SMYD3: variants seen among roughly 807,000 people sequenced by gnomAD.
SMYD3 encodes the protein histone-lysine N-methyltransferase SMYD3.
SMYD3 carries 36 observed loss-of-function variants against 57.7 expected under a neutral mutation model. That is an observed-to-expected ratio of 0.62 (90% CI 0.48 to 0.82). The LOEUF (loss-of-function observed/expected upper bound fraction) is 0.82. SMYD3 is among the 40% of genes least tolerant of loss of function. The pLI, the probability that SMYD3 is intolerant of heterozygous loss-of-function variation, is 0.00. For missense variants in SMYD3, 515 were observed against 538.8 expected, an observed-to-expected ratio of 0.96 and a Z score of 0.44; for synonymous variants, 211 against 195.0, an observed-to-expected ratio of 1.08 and a Z score of -0.68.
intron 5 of SMYD3, among the ~76,000 whole-genome samples, chr1:246,224,797 G>GT (rs1460715267): frequency 6.6e-6 from 1 of 151,728 alleles, no homozygotes; most frequent in African/African-American, 2.4e-5. Context: ...GGTGATGGGG[G>GT]TAAGTGACAG....
chr1:246,236,565 C>T (rs1362882993), intron 5 of SMYD3, among the ~76,000 whole-genome samples: 3 of 152,154 alleles, frequency 2.0e-5, no homozygotes, highest in Non-Finnish European at 4.4e-5. Context: ...CAGAGGCCTG[C>T]CACCACGCCT....
At chr1:245,983,472 C>T (rs1265272340) in intron 5 of SMYD3, among the ~76,000 whole-genome samples, 1 of 152,196 alleles carries the variant, frequency 6.6e-6, no homozygotes, top group East Asian at 1.9e-4. Flanking sequence ...CACGTGGCCC[C>T]CTGGGACCCA....
chr1:246,326,348 C>A, intron 5 of SMYD3: 1 of 694,554 alleles, frequency 1.4e-6, no homozygotes, highest in Non-Finnish European at 2.6e-6. Context: ...TTTCTGTCAT[C>A]CCTATCCCAG....
chr1:246,466,752 G>A (rs771110436), intron 1 of SMYD3, among the ~76,000 whole-genome samples: 4 of 152,212 alleles, frequency 2.6e-5, no homozygotes, highest in African/African-American at 9.6e-5. Context: ...GGAGGCTGAT[G>A]GGGGAGGATC....
At chr1:246,204,866 AG>A in intron 5 of SMYD3, among the ~76,000 whole-genome samples, 1 of 152,366 alleles carries the variant, frequency 6.6e-6, no homozygotes, top group South Asian at 2.1e-4. Context: ...CAAACTCTTC[AG>A]GCCTTGACTC....
chr1:246,009,509 T>C (rs2059239584), intron 5 of SMYD3, among the ~76,000 whole-genome samples: 1 of 152,196 alleles, frequency 6.6e-6, no homozygotes, highest in African/African-American at 2.4e-5. Context: ...AACATGTATG[T>C]GTGTATACAC....
chr1:245,935,002 C>T (rs2056920006), intron 5 of SMYD3, among the ~76,000 whole-genome samples: 1 of 152,132 alleles, frequency 6.6e-6, no homozygotes, highest in African/African-American at 2.4e-5. Flanking sequence ...TAATGGACCC[C>T]TGATTAAAGA....
At chr1:246,015,814 A>G (rs1004595976) in intron 5 of SMYD3, among the ~76,000 whole-genome samples, 1 of 152,198 alleles carries the variant, frequency 6.6e-6, no homozygotes, top group African/African-American at 2.4e-5. Flanking sequence ...CACATTTTGT[A>G]GATCCATACA....
intron 5 of SMYD3, among the ~76,000 whole-genome samples, chr1:246,033,184 G>T (rs1276439375): frequency 6.6e-6 from 1 of 151,938 alleles, no homozygotes; most frequent in Non-Finnish European, 1.5e-5. Flanking sequence ...TTAAACTGTG[G>T]TCCATCCACA....
At chr1:245,761,973 C>T (rs767623616) in intron 11 of SMYD3, among the ~76,000 whole-genome samples, 12 of 151,944 alleles carry the variant, frequency 7.9e-5, no homozygotes, top group Admixed American at 2.0e-4. Flanking sequence ...TTTGTAGAGA[C>T]GGGATTTCAC....
intron 5 of SMYD3, among the ~76,000 whole-genome samples, chr1:246,245,389 G>C (rs574328472): frequency 5.9e-5 from 9 of 151,888 alleles, no homozygotes; most frequent in African/African-American, 2.2e-4. Context: ...GCTGCAGTCA[G>C]CCAAGATCGT....
intron 5 of SMYD3, among the ~76,000 whole-genome samples, chr1:246,284,318 T>A (rs921712827): frequency 6.6e-6 from 1 of 152,198 alleles, no homozygotes; most frequent in Admixed American, 6.5e-5. Flanking sequence ...TCTGCAGCAC[T>A]TAAACACTTC....
chr1:246,082,579 G>A (rs1003892661), intron 5 of SMYD3, among the ~76,000 whole-genome samples: 1 of 152,098 alleles, frequency 6.6e-6, no homozygotes, highest in African/African-American at 2.4e-5. Context: ...CTGAGTTCTT[G>A]GTGAGACTGG....
At chr1:246,092,205 G>A (rs2060835120) in intron 5 of SMYD3, among the ~76,000 whole-genome samples, 1 of 152,124 alleles carries the variant, frequency 6.6e-6, no homozygotes. Flanking sequence ...GTCATTTTAA[G>A]TGCTTATTTT....
intron 10 of SMYD3, among the ~76,000 whole-genome samples, chr1:245,808,332 C>T (rs533240380): frequency 2.2e-3 from 342 of 152,296 alleles, no homozygotes; most frequent in African/African-American, 7.9e-3. Context: ...CCTGGGCACC[C>T]ATATACACAT....
chr1:246,323,335 G>A (rs1159814154), intron 5 of SMYD3, among the ~76,000 whole-genome samples: 1 of 152,146 alleles, frequency 6.6e-6, no homozygotes, highest in Non-Finnish European at 1.5e-5. Context: ...TGAAAAGGAG[G>A]AATATCTGGG....
At position 245,804,028 on chromosome 1, in the gene SMYD3, T is replaced by C. The variant is rs796975573; in HGVS notation, c.1077-39879A>G. ...TCCCGGGTTCAAGGATTCTCCTGCC[T>C]CAGACTTCCAAGCAGCTGGGACCAC... On this transcript the variant is annotated intron_variant, in intron 10 of 11. Transcript: ENST00000490107. 2.3e-4 allele frequency among the ~76,000 whole-genome samples: 35 copies of C among 151,070 alleles called. 1 individual carries two copies. Among genetic ancestry groups the C allele is most frequent in the African/African-American group, 7.8e-4 (32 of 41,206 alleles).
chr1:246,256,005 C>CATAG (rs1167506239), intron 5 of SMYD3, among the ~76,000 whole-genome samples: 4 of 151,528 alleles, frequency 2.6e-5, no homozygotes, highest in Non-Finnish European at 5.9e-5. Context: ...CACATACATA[C>CATAG]ATACATAGAT....
intron 10 of SMYD3, among the ~76,000 whole-genome samples, chr1:245,775,617 T>G (rs1454701309): frequency 6.6e-6 from 1 of 151,394 alleles, no homozygotes; most frequent in Non-Finnish European, 1.5e-5. Context: ...CAGAGACCTT[T>G]GTTCACCTGT....
Sources: allele counts gnomAD v4.1 joint callset (sites outside exome capture counted in the v4.1 genomes callset), GRCh38; gene constraint gnomAD v4.1.1; transcripts MANE v1.5; gene names NCBI Gene and HGNC (gene_info 2026-07-23, HGNC 2026-07-21).